Variants in QSOX2 observed in about 807,000 individuals in gnomAD.
QSOX2 encodes quiescin sulfhydryl oxidase 2.
A neutral mutation model predicts 61.7 loss-of-function variants in QSOX2; 46 were observed. The observed-to-expected ratio is 0.75, with a 90% CI of 0.59 to 0.95. QSOX2 has a LOEUF of 0.95. Among genes scored for constraint, QSOX2 ranks in the 40% least tolerant of loss-of-function variants. The probability of loss-of-function intolerance (pLI) is 0.00; values close to 1 mark genes in which losing one functional copy is unlikely to be tolerated. For missense variants in QSOX2, 879 were observed against 918.9 expected (o/e 0.96, Z 0.56); for synonymous variants, 383 against 388.4 (o/e 0.99, Z 0.16).
chr9:136,222,896 T>C lies in QSOX2; in HGVS notation c.675+867A>G, dbSNP rs147337492. Among the ~76,000 whole-genome samples, 2,071 of 152,282 alleles carry C rather than the reference T, an allele frequency of 0.014. 23 individuals are homozygous for C. Among genetic ancestry groups the C allele is most frequent in the Middle Eastern group, 0.034 (10 of 294 alleles). ...GGGGTCTGGGAGAGCCACACACTGC[T>C]AGCGGTTCCTCAGCCCTCCACAGAG... On this transcript the variant is annotated intron_variant, in intron 5 of 11. Transcript: ENST00000358701. This position sits in a 1 kb window ranked among gnomAD's most constrained non-coding sequence, Gnocchi z 6.9.
At chr9:136,220,395 C>T (rs1459329260) in intron 6 of QSOX2, among the ~76,000 whole-genome samples, 1 of 152,254 alleles carries the variant, frequency 6.6e-6, no homozygotes, top group Admixed American at 6.5e-5. Flanking sequence ...CTCTATGCCC[C>T]AGTCGATCTT....
At chr9:136,210,524 C>A (rs563881878) in intron 11 of QSOX2, 1 of 985,280 alleles carries the variant, frequency 1.0e-6, no homozygotes, top group Non-Finnish European at 1.2e-6. Context: ...GCTGCCAGGG[C>A]GGAGAGACGG....
chr9:136,240,552 C>T (rs1241785605), intron 1 of QSOX2, among the ~76,000 whole-genome samples: 1 of 152,230 alleles, frequency 6.6e-6, no homozygotes, highest in Non-Finnish European at 1.5e-5. Context: ...AGAAGACCCT[C>T]TCTGGGTGGA....
intron 2 of QSOX2, among the ~76,000 whole-genome samples, chr9:136,225,292 A>T (rs1356905451): frequency 6.6e-6 from 1 of 152,244 alleles, no homozygotes. Flanking sequence ...CAGGAGGAGG[A>T]GACACCACGC....
chr9:136,232,854 A>G (rs775421686), intron 1 of QSOX2, among the ~76,000 whole-genome samples: 5 of 150,430 alleles, frequency 3.3e-5, no homozygotes, highest in Admixed American at 1.3e-4. Context: ...TCAGGAGGTC[A>G]AGGCTGCGGT....
intron 11 of QSOX2, chr9:136,210,997 GA>G: frequency 1.4e-6 from 1 of 722,322 alleles, no homozygotes; most frequent in Non-Finnish European, 1.7e-6. Flanking sequence ...ACCGATGGGG[GA>G]AGAAAGAGCC....
intron 9 of QSOX2, among the ~76,000 whole-genome samples, chr9:136,215,958 C>G (rs993494457): frequency 1.3e-5 from 2 of 152,208 alleles, no homozygotes; most frequent in Non-Finnish European, 2.9e-5. Flanking sequence ...GCAAGAAGCC[C>G]GGCACCGTCT....
Position 136,210,274 on chromosome 9 carries a change from G to A in QSOX2, c.1549+990C>T, listed in dbSNP as rs947717582. The stretch of plus-strand genomic sequence containing the variant: ...GCCTCCCAGGAGCTTGGGTCTCAAT[G>A]CACAGGCTGGAGGTGGGACTGGAGT... On this transcript the variant is annotated intron_variant, in intron 11 of 11. Coordinates refer to ENST00000358701, the MANE Select transcript of QSOX2 (RefSeq NM_181701.4). 1.1e-5 allele frequency: 11 copies of A among 985,392 alleles called. No individual in the cohort carries two copies. In the Admixed American group the frequency reaches 1.8e-4, roughly 17 times the overall value. 61.0% of individuals were successfully genotyped at this position (985,392 alleles called of 1,614,324 possible).
chr9:136,221,756 C>G lies in QSOX2; in HGVS notation c.821+40G>C. 1 of 1,550,858 alleles carries G rather than the reference C, an allele frequency of 6.4e-7. No homozygotes were observed. The stretch of plus-strand genomic sequence containing the variant: ...ACTCGGAGCCTCTGTCCGGTAACTC[C>G]GAGCGGCACGGAGTTCCCAGACCCC... On this transcript the variant is annotated intron_variant, in intron 6 of 11. Coordinates refer to ENST00000358701, the MANE Select transcript of QSOX2 (RefSeq NM_181701.4). This position sits in a 1 kb window ranked among gnomAD's most constrained non-coding sequence, Gnocchi z 4.5.
In QSOX2 at chr9:136,209,015, G is replaced by C. The variant is rs199805211; in HGVS notation, c.1810C>G (p.Arg604Gly). The change falls in exon 12 of 12, where the codon CGA becomes GGA. Residue 604 changes from arginine (R) to glycine (G), a missense_variant. Arg to Gly is a moderately radical substitution (Grantham distance 125). Coordinates refer to ENST00000358701, the MANE Select transcript of QSOX2 (RefSeq NM_181701.4). This position sits in a 1 kb window ranked among gnomAD's most constrained non-coding sequence, Gnocchi z 5.6. The stretch of plus-strand genomic sequence containing the variant: ...GGTGGACGGACGCTCTGGGTGTCTC[G>C]GTCTCCATGGGACACCTCTGGGGGA... ...LTPPEVSHGD[R>G]DTQSVRPPGA... 1 of 1,613,936 alleles carries C rather than the reference G, an allele frequency of 6.2e-7. No homozygotes were observed. Among genetic ancestry groups the C allele is most frequent in the Non-Finnish European group, 8.5e-7 (1 of 1,179,890 alleles).
At chr9:136,227,620 C>G (rs1371364515) in intron 1 of QSOX2, among the ~76,000 whole-genome samples, 1 of 152,144 alleles carries the variant, frequency 6.6e-6, no homozygotes, top group Non-Finnish European at 1.5e-5. Context: ...TCAGAACTGT[C>G]CCACAACAAA....
intron 6 of QSOX2, among the ~76,000 whole-genome samples, chr9:136,220,149 A>G (rs1831963520): frequency 6.6e-6 from 1 of 152,156 alleles, no homozygotes; most frequent in Non-Finnish European, 1.5e-5. Flanking sequence ...CTCCCACCTC[A>G]GCCCCTTGAG....
In QSOX2 at chr9:136,224,038, GC is replaced by G. The variant is rs1383876348; in HGVS notation, c.552del (p.Pro186LeufsTer6). 1 of 1,613,876 alleles carries G rather than the reference GC, an allele frequency of 6.2e-7. No homozygotes were observed. The highest frequency in any genetic ancestry group is 1.7e-5 in the Admixed American group (1 of 59,994). On this transcript the variant is annotated frameshift_variant, in exon 4 of 12. Coordinates refer to ENST00000358701, the MANE Select transcript of QSOX2 (RefSeq NM_181701.4). LOFTEE classifies it high-confidence loss of function. ...DFLQNHTEGS[R>X]PPACPRLDPI... ...GGGTCTAGGCGCGGGCAGGCAGGGG[GC>G]CGGCTTCCTTCCGTGTGGTTCTGCA...
chr9:136,230,133 G>A (rs1830317197), intron 1 of QSOX2, among the ~76,000 whole-genome samples: 1 of 152,186 alleles, frequency 6.6e-6, no homozygotes, highest in Non-Finnish European at 1.5e-5. Context: ...ACAAAAATTA[G>A]CCGGGCGTGG....
Position 136,222,000 on chromosome 9 carries a change from G to T in QSOX2, c.676-59C>A. On this transcript the variant is annotated intron_variant, in intron 5 of 11. Transcript: ENST00000358701. This position sits in a 1 kb window ranked among gnomAD's most constrained non-coding sequence, Gnocchi z 4.5. ...GGGCTGGCAGTTTCTCAGAAAACAC[G>T]ACGTGCAGACACATGGCCTTGCAGG... 1 of 1,487,352 alleles carries T rather than the reference G, an allele frequency of 6.7e-7. No individual in the cohort carries two copies. Among genetic ancestry groups the T allele is most frequent in the South Asian group, 1.4e-5 (1 of 71,828 alleles). The allele number at this position is 1,487,352 out of a possible 1,614,324, so 92.1% of individuals were successfully genotyped here.
At chr9:136,232,935 A>AAAAAAAAAAAG (rs1830345007) in intron 1 of QSOX2, among the ~76,000 whole-genome samples, 2 of 142,324 alleles carry the variant, frequency 1.4e-5, no homozygotes, top group Non-Finnish European at 3.0e-5. Flanking sequence ...AAAAAAAAAA[A>AAAAAAAAAAAG]AAAGAAAAAA....
At chr9:136,216,441 G>A (rs1391068799) in intron 9 of QSOX2, among the ~76,000 whole-genome samples, 159 bp downstream of exon 9, 13 of 152,258 alleles carry the variant, frequency 8.5e-5, no homozygotes, top group African/African-American at 2.4e-4. Context: ...GCAGACAGGA[G>A]GCCATGGCCA....
chr9:136,208,740 G>C lies in QSOX2; in HGVS notation c.2085C>G (p.His695Gln). Reference sequence around the variant, plus strand: ...AGCACCCGGGCACTCACACGGCCGGGTGGTGGTGCTTGACCTTCCACCGCC... The same window carrying C: ...AGCACCCGGGCACTCACACGGCCGGCTGGTGGTGCTTGACCTTCCACCGCC... ...RSRRWKVKHHHPAV is the reference protein window; with the variant it reads ...RSRRWKVKHHQPAV Residue 695 changes from histidine (H) to glutamine (Q), a missense_variant, in exon 12 of 12, where the codon CAC becomes CAG. By Grantham distance (24) the His-to-Gln change is conservative. Transcript: ENST00000358701. 2 of 1,608,834 alleles carry C rather than the reference G, an allele frequency of 1.2e-6. No homozygotes were observed. Among genetic ancestry groups the C allele is most frequent in the South Asian group, 1.1e-5 (1 of 90,918 alleles).
In QSOX2 at chr9:136,245,617, C is replaced by A; in HGVS notation, c.187G>T (p.Val63Leu). 1.3e-6 allele frequency: 2 copies of A among 1,539,392 alleles called. No individual in the cohort carries two copies. The highest frequency in any genetic ancestry group is 1.9e-4 in the Middle Eastern group (1 of 5,372). Residue 63 changes from valine to leucine, a missense_variant, in exon 1 of 12, where the codon GTG becomes TTG. Coordinates refer to ENST00000358701, the MANE Select transcript of QSOX2 (RefSeq NM_181701.4). Reference sequence around the variant, plus strand: ...ACGCTGCCGCTGTCCAGCACCCACACGGCGTCCTCGCCCGCGCGGTACAGC... The same window carrying A: ...ACGCTGCCGCTGTCCAGCACCCACAAGGCGTCCTCGCCCGCGCGGTACAGC... Reference protein sequence around the residue: ...ARLYRAGEDAVWVLDSGSVRG... With the variant: ...ARLYRAGEDALWVLDSGSVRG...
Sources: allele counts gnomAD v4.1 joint callset (sites outside exome capture counted in the v4.1 genomes callset), GRCh38; gene constraint gnomAD v4.1.1; non-coding constraint Gnocchi (gnomAD v3.1); transcripts MANE v1.5; gene names NCBI Gene and HGNC (gene_info 2026-07-23, HGNC 2026-07-21).